ALKAL2: variants seen among roughly 807,000 people sequenced by gnomAD.
The protein encoded by ALKAL2 is ALK and LTK ligand 2.
Under a neutral mutation model 18.5 loss-of-function variants are expected in ALKAL2, and 8 were observed. The observed-to-expected ratio is 0.43, with a 90% CI of 0.25 to 0.78. The LOEUF (loss-of-function observed/expected upper bound fraction) is 0.78. Ranked by LOEUF, ALKAL2 falls within the 30% of genes least tolerant of loss-of-function variation. The pLI is 0.22. For missense variants in ALKAL2, 241 were observed against 211.2 expected, an observed-to-expected ratio of 1.14 and a Z score of -0.88; for synonymous variants, 135 against 95.8, an observed-to-expected ratio of 1.41 and a Z score of -2.39.
intron 5 of ALKAL2, among the ~76,000 whole-genome samples, chr2:280,823 A>G (rs1413663538): frequency 6.6e-6 from 1 of 152,250 alleles, no homozygotes; most frequent in Non-Finnish European, 1.5e-5. Flanking sequence ...GAACGCGGCA[A>G]ATGGATTTGC....
At chr2:287,190 CA>C (rs1311761792) in intron 2 of ALKAL2, 5 of 170,848 alleles carry the variant, frequency 2.9e-5, no homozygotes, top group East Asian at 1.6e-4. Context: ...GATTGTGTCA[CA>C]AAAGCATTAG....
At chr2:282,850 C>T (rs1007507026) in intron 5 of ALKAL2, among the ~76,000 whole-genome samples, 10 of 152,188 alleles carry the variant, frequency 6.6e-5, no homozygotes, top group Middle Eastern at 3.2e-3. Flanking sequence ...CTGACACTGG[C>T]TGACTTGCTG....
chr2:283,128 C>G lies in ALKAL2; in HGVS notation c.436G>C (p.Val146Leu), dbSNP rs759317748. ...RLLTRLAVSP[V>L]CMEDKQ ...AAGCTTACCTTATCCTCCATGCACA[C>G]TGGACTGACAGCCAGCCGGGTAAGA... The change falls in exon 5 of 6, where the codon GTG (valine) becomes CTG (leucine). Residue 146 changes from valine (V) to leucine (L), a missense_variant. Val to Leu is a conservative substitution (Grantham distance 32). Transcript: ENST00000403610. The G allele has an allele frequency of 1.2e-6, 2 of 1,612,840 alleles. No individual in the cohort carries two copies. The highest frequency in any genetic ancestry group is 1.7e-6 in the Non-Finnish European group (2 of 1,179,492).
chr2:280,725 C>T (rs774694334), intron 5 of ALKAL2, among the ~76,000 whole-genome samples: 10 of 152,154 alleles, frequency 6.6e-5, no homozygotes, highest in South Asian at 2.1e-4. Context: ...CCTGTAAGTC[C>T]GGACAATGAA....
chr2:286,371 T>A, intron 2 of ALKAL2, 28 bp from the exon 3 acceptor site: 1 of 1,548,252 alleles, frequency 6.5e-7, no homozygotes, highest in South Asian at 1.2e-5. Flanking sequence ...AAGTATTATA[T>A]TACCTGAAGG....
chr2:282,126 G>T (rs13017261), intron 5 of ALKAL2, among the ~76,000 whole-genome samples: 1 of 151,984 alleles, frequency 6.6e-6, no homozygotes, highest in Non-Finnish European at 1.5e-5. Context: ...GATGGAGTGG[G>T]GGATGCATGG....
chr2:287,505 T>C, intron 2 of ALKAL2, 78 bp downstream of exon 2: 9 of 1,056,442 alleles, frequency 8.5e-6, no homozygotes, highest in Non-Finnish European at 1.1e-5. Context: ...AATTGATGTC[T>C]CTTTTTGAAA....
chr2:280,089 C>T lies in ALKAL2; in HGVS notation c.*58G>A. The T allele has an allele frequency of 6.2e-7, 1 of 1,607,278 alleles. No individual in the cohort carries two copies. The highest frequency in any genetic ancestry group is 8.5e-7 in the Non-Finnish European group (1 of 1,173,754). ...TGTGTATAAAGATAGTTCTGTTTCC[C>T]TGTTGGTTTCCAAGGCACTTCTCAT... On this transcript the variant is annotated 3_prime_UTR_variant, in exon 6 of 6. Coordinates refer to ENST00000403610, the MANE Select transcript of ALKAL2 (RefSeq NM_001002919.3).
At position 288,044 on chromosome 2, in the gene ALKAL2, T is replaced by C; in HGVS notation, c.-89A>G. On this transcript the variant is annotated 5_prime_UTR_variant, in exon 1 of 6. Coordinates refer to ENST00000403610, the MANE Select transcript of ALKAL2 (RefSeq NM_001002919.3). The stretch of plus-strand genomic sequence containing the variant: ...GGACCCCGAGGAACAAGCCGGCAGG[T>C]GAGGGAGCCGCGGTCTCCTCGACGA... The C allele has an allele frequency of 8.2e-7, 1 of 1,215,022 alleles. No homozygotes were observed. 75.3% of individuals were successfully genotyped at this position (1,215,022 alleles called of 1,614,324 possible).
At chr2:281,886 T>G (rs10193373) in intron 5 of ALKAL2, among the ~76,000 whole-genome samples, 44,134 of 152,116 alleles carry the variant, frequency 0.29, 6,813 homozygotes, top group Non-Finnish European at 0.35. Context: ...AAAGTCTGTG[T>G]GACACATAGG....
At chr2:284,452 G>A (rs911034545) in intron 4 of ALKAL2, among the ~76,000 whole-genome samples, 2 of 152,124 alleles carry the variant, frequency 1.3e-5, no homozygotes, top group East Asian at 3.8e-4. Flanking sequence ...ACAGCCTGAC[G>A]CAGTAAAAAA....
chr2:282,359 C>A (rs1670381568), intron 5 of ALKAL2, among the ~76,000 whole-genome samples: 1 of 152,246 alleles, frequency 6.6e-6, no homozygotes, highest in South Asian at 2.1e-4. Flanking sequence ...GGACAGGAAG[C>A]CTGTCTTTCT....
At chr2:285,999 A>G (rs1670495800) in intron 4 of ALKAL2, 124 bp downstream of exon 4, 3 of 762,318 alleles carry the variant, frequency 3.9e-6, no homozygotes, top group Admixed American at 2.7e-5. Flanking sequence ...CCCTAACTCC[A>G]TAGTGAGGAA....
intron 4 of ALKAL2, 51 bp downstream of exon 4, chr2:286,072 C>G: frequency 6.6e-7 from 1 of 1,508,550 alleles, no homozygotes; most frequent in Non-Finnish European, 9.2e-7. Context: ...AGAGGGGAAC[C>G]GCTGCCTGCA....
Position 287,749 on chromosome 2 carries a change from C to G in ALKAL2, c.87G>C (p.Arg29=). 1 of 1,450,522 alleles carries G rather than the reference C, an allele frequency of 6.9e-7. No individual in the cohort carries two copies. The highest frequency in any genetic ancestry group is 2.5e-5 in the Admixed American group (1 of 39,508). The allele number at this position is 1,450,522 out of a possible 1,614,324, so 89.9% of individuals were successfully genotyped here. A position where few individuals can be genotyped will look rare whatever the true frequency, so the allele number is the denominator to read the frequency against. ...GCAGCGCCTGTCCGTCCGCCGGCTC[C>G]CGGGGCTCCGCGCCCCCCCGGCCGC... ...AGRGRGGAEP[R]EPADGQALLR... is the part of the protein sequence containing the mutation. Residue 29 remains arginine (R), a synonymous_variant, in exon 2 of 6, where the codon CGG becomes CGC. Transcript: ENST00000403610.
At position 287,719 on chromosome 2, in the gene ALKAL2, C is replaced by G. The variant is rs760974571; in HGVS notation, c.117G>C (p.Arg39=). The G allele has an allele frequency of 2.0e-6, 3 of 1,474,478 alleles. No homozygotes were observed. In the South Asian group the frequency reaches 3.9e-5, roughly 19 times the overall value. 91.3% of individuals were successfully genotyped at this position (1,474,478 alleles called of 1,614,324 possible). A position where few individuals can be genotyped will look rare whatever the true frequency, so the allele number is the denominator to read the frequency against. ...GCTCCTGGACGAGTTCCACCACCAG[C>G]CGCAGCAGCGCCTGTCCGTCCGCCG... ...REPADGQALL[R]LVVELVQELR... Residue 39 remains arginine, a synonymous_variant, in exon 2 of 6, where the codon CGG becomes CGC. Coordinates refer to ENST00000403610, the MANE Select transcript of ALKAL2 (RefSeq NM_001002919.3).
intron 4 of ALKAL2, chr2:283,408 GC>G: frequency 6.1e-6 from 6 of 985,432 alleles, no homozygotes; most frequent in Non-Finnish European, 7.2e-6. Flanking sequence ...AAGTGGGGCA[GC>G]GGAGGGAAGA....
In ALKAL2 at chr2:286,212, C is replaced by T. The variant is rs552092917; in HGVS notation, c.308-9G>A. 2.5e-6 allele frequency: 4 copies of T among 1,613,296 alleles called. No homozygotes were observed. The African/African-American group carries it at 4.0e-5, about 16-fold the overall frequency. On this transcript the variant is annotated splice_polypyrimidine_tract_variant and intron_variant, in intron 3 of 5. Coordinates refer to ENST00000403610, the MANE Select transcript of ALKAL2 (RefSeq NM_001002919.3). ...ACTAAAATAAAGAGGGCCTGGAACA[C>T]GGAAGAAGAAACAGATCATGAAGAC...
intron 2 of ALKAL2, 100 bp from the exon 3 acceptor site, chr2:286,443 C>A: frequency 1.1e-6 from 1 of 873,260 alleles, no homozygotes; most frequent in Non-Finnish European, 1.8e-6. Flanking sequence ...TCCATATTAG[C>A]CAAGTTGCTT....
Sources: gnomAD v4.1 joint callset for allele counts (sites outside exome capture counted in the v4.1 genomes callset) on GRCh38, gnomAD v4.1.1 for gene constraint, MANE v1.5 for transcripts, NCBI Gene and HGNC (gene_info 2026-07-23, HGNC 2026-07-21) for gene names.